Variants in HAL observed in about 807,000 individuals in gnomAD.
The protein encoded by HAL is histidine ammonia-lyase, also known as histidase.
HAL carries 85 observed loss-of-function variants against 81.1 expected under a neutral mutation model. That is an observed-to-expected ratio of 1.05 (90% CI 0.88 to 1.25). HAL has a LOEUF of 1.25. Among genes scored for constraint, HAL ranks in the 50% most tolerant of loss-of-function variants. The probability of loss-of-function intolerance (pLI) is 0.00; values close to 1 mark genes in which losing one functional copy is unlikely to be tolerated. For synonymous variants in HAL, 301 were observed against 309.2 expected, an observed-to-expected ratio of 0.97 and a Z score of 0.28; for missense variants, 798 against 836.6, an observed-to-expected ratio of 0.95 and a Z score of 0.57.
chr12:95,978,060 A>C lies in HAL; in HGVS notation c.1538T>G (p.Leu513Arg). Reference sequence around the variant, plus strand: ...GGAGTCAACAGACGAGGGATGGCACAGAGCCTTGTTCTCAGAAACTGCAAG... The same window carrying C: ...GGAGTCAACAGACGAGGGATGGCACCGAGCCTTGTTCTCAGAAACTGCAAG... Reference protein sequence around the residue: ...AAALVSENKALCHPSSVDSLS... With the variant: ...AAALVSENKARCHPSSVDSLS... The change falls in exon 18 of 21, where the codon CTG becomes CGG. Residue 513 changes from leucine to arginine, a missense_variant. Transcript: ENST00000261208. 1 of 1,613,902 alleles carries C rather than the reference A, an allele frequency of 6.2e-7. No homozygotes were observed. The highest frequency in any genetic ancestry group is 8.5e-7 in the Non-Finnish European group (1 of 1,179,748).
intron 20 of HAL, chr12:95,976,110 A>G: frequency 2.6e-6 from 1 of 389,446 alleles, no homozygotes; most frequent in East Asian, 6.2e-5. Context: ...TTTGAATCAA[A>G]GAGGACATCT....
At chr12:95,987,643 A>G (rs973012776) in intron 11 of HAL, among the ~76,000 whole-genome samples, 1 of 152,194 alleles carries the variant, frequency 6.6e-6, no homozygotes, top group Admixed American at 6.5e-5. Flanking sequence ...TCTCTCAGAG[A>G]TCCTAACAGA....
intron 2 of HAL, 145 bp from the exon 3 acceptor site, chr12:95,995,138 T>C (rs1173686583): frequency 1.4e-6 from 1 of 717,566 alleles, no homozygotes; most frequent in African/African-American, 1.7e-5. Flanking sequence ...CATGTGGTCT[T>C]AGCATCTTTA....
intron 14 of HAL, among the ~76,000 whole-genome samples, chr12:95,985,679 CAAAAG>C (rs1949875096): frequency 7.3e-6 from 1 of 137,102 alleles, no homozygotes; most frequent in Admixed American, 7.1e-5. Context: ...GTTGAACAAT[CAAAAG>C]AAAACAAATA....
chr12:95,984,424 C>T (rs778383974), intron 14 of HAL, among the ~76,000 whole-genome samples: 4 of 152,180 alleles, frequency 2.6e-5, no homozygotes, highest in Non-Finnish European at 4.4e-5. Flanking sequence ...TTAGATGTGA[C>T]TCGCAGAGAT....
chr12:95,976,949 C>T (rs938744166), intron 18 of HAL, among the ~76,000 whole-genome samples: 6 of 152,156 alleles, frequency 3.9e-5, no homozygotes, highest in Admixed American at 2.6e-4. Context: ...ATTACCAGAC[C>T]TGCACACCTA....
intron 18 of HAL, 121 bp from the exon 19 acceptor site, chr12:95,976,827 A>G (rs1228786370): frequency 1.4e-6 from 1 of 725,960 alleles, no homozygotes; most frequent in Non-Finnish European, 2.5e-6. Flanking sequence ...TTCTCTGTCT[A>G]TTGGTAGAAT....
At position 95,995,950 on chromosome 12, in the gene HAL, G is replaced by GGGGA. The variant is rs1950031543; in HGVS notation, c.-44_-41dup. 6.3e-7 allele frequency: 1 copy of GGGGA among 1,598,288 alleles called. No homozygotes were observed. The highest frequency in any genetic ancestry group is 2.2e-5 in the East Asian group (1 of 44,868). On this transcript the variant is annotated 5_prime_UTR_variant, in exon 2 of 21. Transcript: ENST00000261208. Reference sequence around the variant, plus strand: ...CTGAGGTCCTCAGCTGGTCACAGGAGGGGAGAGCTTTATGCAGGAGTGGCT... The same window carrying GGGGA: ...CTGAGGTCCTCAGCTGGTCACAGGAGGGGAGGGAGAGCTTTATGCAGGAGTGGCT...
rs764540860 is a variant in HAL at position 95,996,205 on chromosome 12, G to A, written c.-209C>T. 2 of 429,780 alleles carry A rather than the reference G, an allele frequency of 4.7e-6. No individual in the cohort carries two copies. Among genetic ancestry groups the A allele is most frequent in the Non-Finnish European group, 8.7e-6 (2 of 229,034 alleles). 26.6% of individuals were successfully genotyped at this position (429,780 alleles called of 1,614,324 possible). On this transcript the variant is annotated 5_prime_UTR_variant, in exon 1 of 21. Transcript: ENST00000261208. Reference sequence around the variant, plus strand: ...CCTGGGGTCTCCCACCCTGGGAGGTGCTGTTCTTGTCCCTGATGGCACCTA... The same window carrying A: ...CCTGGGGTCTCCCACCCTGGGAGGTACTGTTCTTGTCCCTGATGGCACCTA...
Position 95,992,816 on chromosome 12 carries a change from G to A in HAL, c.590-11C>T, listed in dbSNP as rs1036844194. 2 of 1,611,370 alleles carry A rather than the reference G, an allele frequency of 1.2e-6. No homozygotes were observed. The highest frequency in any genetic ancestry group is 1.7e-5 in the Admixed American group (1 of 59,978). The stretch of plus-strand genomic sequence containing the variant: ...GTGGTTTCCCAACACCTGCAAAACA[G>A]AATTGATGTTTTCTCCAAGAAAAGC... On this transcript the variant is annotated splice_polypyrimidine_tract_variant and intron_variant, in intron 8 of 20. Transcript: ENST00000261208.
Position 95,995,679 on chromosome 12 carries a change from CGTT to C in HAL, c.229_231del (p.Asn77del), listed in dbSNP as rs772188321. 9 of 1,613,320 alleles carry C rather than the reference CGTT, an allele frequency of 5.6e-6. No homozygotes were observed. In the East Asian group the frequency reaches 6.7e-5, roughly 12 times the overall value. ...AGCCACTCACCCACTTCCACGAACTCGTTGTTCTCTAGGGCCACCTCGAGCCGG... is the reference window on the plus strand; with the variant it reads ...AGCCACTCACCCACTTCCACGAACTCGTTCTCTAGGGCCACCTCGAGCCGG... On this transcript the variant is annotated inframe_deletion, in exon 2 of 21. Coordinates refer to ENST00000261208, the MANE Select transcript of HAL (RefSeq NM_002108.4).
chr12:95,988,200 G>T lies in HAL; in HGVS notation c.896C>A (p.Pro299Gln). ...TTTCTTGAGTTTCCTTACCTCTTTTGGTTTTAAAATAACTGGTTTCAATCC... is the reference window on the plus strand; with the variant it reads ...TTTCTTGAGTTTCCTTACCTCTTTTTGTTTTAAAATAACTGGTTTCAATCC... ...AHGLKPVILK[P>Q]KEGLALINGT... Residue 299 changes from proline (P) to glutamine (Q), a missense_variant, in exon 11 of 21, where the codon CCA becomes CAA. Physicochemically the swap from Pro to Gln is moderately conservative, Grantham distance 76. Transcript: ENST00000261208. The T allele has an allele frequency of 2.7e-6, 4 of 1,479,562 alleles. No individual in the cohort carries two copies. Among genetic ancestry groups the T allele is most frequent in the Non-Finnish European group, 3.8e-6 (4 of 1,057,652 alleles). 91.7% of individuals were successfully genotyped at this position (1,479,562 alleles called of 1,614,324 possible). A position where few individuals can be genotyped will look rare whatever the true frequency, so the allele number is the denominator to read the frequency against.
In HAL at chr12:95,980,730, G is replaced by A. The variant is rs764818628; in HGVS notation, c.1354-9C>T. 1.2e-6 allele frequency: 2 copies of A among 1,612,956 alleles called. No homozygotes were observed. Among genetic ancestry groups the A allele is most frequent in the Admixed American group, 1.7e-5 (1 of 60,032 alleles). The stretch of plus-strand genomic sequence containing the variant: ...GCCAAGTAGTCTAGGGCCTGAAAGA[G>A]GGTCTCCATTTAGTCAGCCTATATT... On this transcript the variant is annotated splice_polypyrimidine_tract_variant and intron_variant, in intron 16 of 20. Transcript: ENST00000261208.
intron 16 of HAL, 24 bp from the exon 17 acceptor site, chr12:95,980,745 C>G (rs372476652): frequency 6.2e-7 from 1 of 1,610,790 alleles, no homozygotes; most frequent in Non-Finnish European, 8.5e-7. Flanking sequence ...TCCATTTAGT[C>G]AGCCTATATT....
intron 2 of HAL, 80 bp from the exon 3 acceptor site, chr12:95,995,073 C>A: frequency 1.9e-6 from 2 of 1,031,464 alleles, no homozygotes; most frequent in East Asian, 2.4e-5. Context: ...AACGGCCCAT[C>A]ATTGGCCCAT....
intron 15 of HAL, 117 bp from the exon 16 acceptor site, chr12:95,980,980 G>A: frequency 1.3e-6 from 1 of 760,756 alleles, no homozygotes. Context: ...TGGGGTGGAG[G>A]GAAAGAGACA....
Position 95,980,868 on chromosome 12 carries a change from C to T in HAL, c.1288-5G>A, listed in dbSNP as rs1227495021. 4 of 1,533,400 alleles carry T rather than the reference C, an allele frequency of 2.6e-6. No individual in the cohort carries two copies. The highest frequency in any genetic ancestry group is 3.6e-6 in the Non-Finnish European group (4 of 1,107,366). The allele number at this position is 1,533,400 out of a possible 1,614,324, so 95.0% of individuals were successfully genotyped here. On this transcript the variant is annotated splice_region_variant and splice_polypyrimidine_tract_variant and intron_variant, in intron 15 of 20. Coordinates refer to ENST00000261208, the MANE Select transcript of HAL (RefSeq NM_002108.4). Reference sequence around the variant, plus strand: ...TCCCCTATTGGCAAAGACCATCTTTCAAAAGAGGTTAAGGCTTGAAGATAA... The same window carrying T: ...TCCCCTATTGGCAAAGACCATCTTTTAAAAGAGGTTAAGGCTTGAAGATAA...
rs373521229 is a variant in HAL, at chr12:95,987,221, G to A, written c.904-7C>T. Reference sequence around the variant, plus strand: ...CATTGATGAGTGCCAGGCCCTGTCGGGGGAGAGAGCAAAGTTTCCTACTGT... The same window carrying A: ...CATTGATGAGTGCCAGGCCCTGTCGAGGGAGAGAGCAAAGTTTCCTACTGT... On this transcript the variant is annotated splice_region_variant and splice_polypyrimidine_tract_variant and intron_variant, in intron 11 of 20. Transcript: ENST00000261208. 4.3e-6 allele frequency: 7 copies of A among 1,612,790 alleles called. No individual in the cohort carries two copies. The highest frequency in any genetic ancestry group is 1.1e-5 in the South Asian group (1 of 91,052).
chr12:95,994,711 G>C, intron 4 of HAL, 87 bp downstream of exon 4: 1 of 1,297,818 alleles, frequency 7.7e-7, no homozygotes, highest in South Asian at 1.2e-5. Flanking sequence ...AATTGACAGT[G>C]TTTTCTCAGA....
Sources: gnomAD v4.1 joint callset for allele counts (sites outside exome capture counted in the v4.1 genomes callset) on GRCh38, gnomAD v4.1.1 for gene constraint, MANE v1.5 for transcripts, NCBI Gene and HGNC (gene_info 2026-07-23, HGNC 2026-07-21) for gene names.